The following EMILIN3 variants were observed in gnomAD, a reference collection of about 807,000 sequenced individuals.
EMILIN3 encodes the protein EMILIN-3.
Under a neutral mutation model 42.8 loss-of-function variants are expected in EMILIN3, and 38 were observed. The observed-to-expected ratio is 0.89, with a 90% CI of 0.69 to 1.16. The LOEUF is 1.16. Among genes scored for constraint, EMILIN3 ranks in the 50% most tolerant of loss-of-function variants. The pLI is 0.00. For missense variants in EMILIN3, 924 were observed against 999.5 expected (o/e 0.92, Z 1.02); for synonymous variants, 430 against 440.5 (o/e 0.98, Z 0.30).
intron 3 of EMILIN3, among the ~76,000 whole-genome samples, chr20:41,363,284 G>T (rs1204043533): frequency 6.6e-6 from 1 of 152,090 alleles, no homozygotes; most frequent in Admixed American, 6.5e-5. Flanking sequence ...GGGACTACAG[G>T]CACCCACCAC....
Position 41,361,552 on chromosome 20 carries a change from T to A in EMILIN3, c.2017A>T (p.Ser673Cys). 6.2e-7 allele frequency: 1 copy of A among 1,611,340 alleles called. No individual in the cohort carries two copies. Among genetic ancestry groups the A allele is most frequent in the Non-Finnish European group, 8.5e-7 (1 of 1,179,698 alleles). The change falls in exon 4 of 4, where the codon AGC (serine) becomes TGC (cysteine). Residue 673 changes from serine to cysteine, a missense_variant. Transcript: ENST00000332312. ...TTCTGGGCTGTGTCCTGGCAGCGGC[T>A]CAGCCCACTGGCCACCTTGGCCACA... The part of the protein sequence containing the change: ...AGVAKVASGL[S>C]RCQDTAQKLQ...
rs916970085 is a variant in EMILIN3, at chr20:41,366,789, G to A, written c.-155C>T. On this transcript the variant is annotated 5_prime_UTR_variant, in exon 1 of 4. Coordinates refer to ENST00000332312, the MANE Select transcript of EMILIN3 (RefSeq NM_052846.2). The surrounding 1 kb of genome is among the most constrained non-coding windows in gnomAD (Gnocchi z 4.2). ...CCGAGCTCGCTGGCCCGGCCGCCTG[G>A]CGCTTCGCGGCGGCTGCGTCCCGCG... The A allele has an allele frequency of 3.6e-4, 127 of 348,392 alleles. No individual in the cohort carries two copies. The highest frequency in any genetic ancestry group is 5.0e-4 in the Non-Finnish European group (123 of 248,068). 21.6% of individuals were successfully genotyped at this position (348,392 alleles called of 1,614,324 possible).
chr20:41,365,303 G>A (rs1317953031), intron 1 of EMILIN3, 146 bp from the exon 2 acceptor site: 5 of 1,241,244 alleles, frequency 4.0e-6, no homozygotes, highest in East Asian at 5.3e-5. Context: ...GGGAGCCAAC[G>A]CCCTTGGTCT....
Position 41,362,478 on chromosome 20 carries a change from T to C in EMILIN3, c.1091A>G (p.Gln364Arg), listed in dbSNP as rs370261387. The C allele has an allele frequency of 1.1e-5, 17 of 1,599,478 alleles. No individual in the cohort carries two copies. Among genetic ancestry groups the C allele is most frequent in the Non-Finnish European group, 1.4e-5 (17 of 1,179,458 alleles). ...SLDGRELALRQELSQLGSQLQ... is the reference protein window; with the variant it reads ...SLDGRELALRRELSQLGSQLQ... ...CTGGCTGCCCAGCTGTGACAGCTCC[T>C]GGCGCAGGGCCAGCTCCCGGCCATC... The change falls in exon 4 of 4, where the codon CAG (glutamine) becomes CGG (arginine). Residue 364 changes from glutamine to arginine, a missense_variant. Gln to Arg is a conservative substitution (Grantham distance 43, BLOSUM62 1). Coordinates refer to ENST00000332312, the MANE Select transcript of EMILIN3 (RefSeq NM_052846.2).
chr20:41,361,338 C>T lies in EMILIN3; in HGVS notation c.2231G>A (p.Arg744His), dbSNP rs200439419. The T allele has an allele frequency of 1.6e-5, 25 of 1,610,934 alleles. No individual in the cohort carries two copies. In the East Asian group the frequency reaches 3.3e-4, roughly 22 times the overall value. The change falls in exon 4 of 4, where the codon CGC becomes CAC. Residue 744 changes from arginine (R) to histidine (H), a missense_variant. Physicochemically the swap from Arg to His is conservative, Grantham distance 29. Coordinates refer to ENST00000332312, the MANE Select transcript of EMILIN3 (RefSeq NM_052846.2). Reference sequence around the variant, plus strand: ...GCAGTCCAGTAGGTCATCCCGGAGGCGGGCAATGTCCTGCGTGTGCTGGGC... The same window carrying T: ...GCAGTCCAGTAGGTCATCCCGGAGGTGGGCAATGTCCTGCGTGTGCTGGGC... ...TLAQHTQDIA[R>H]LRDDLLDCQA...
rs754950009 is a variant in EMILIN3, at chr20:41,361,645, A to G, written c.1924T>C (p.Ser642Pro). The G allele has an allele frequency of 3.7e-6, 6 of 1,606,994 alleles. No individual in the cohort carries two copies. In the South Asian group the frequency reaches 6.6e-5, roughly 18 times the overall value. Residue 642 changes from serine to proline, a missense_variant, in exon 4 of 4, where the codon TCC (serine) becomes CCC (proline). Physicochemically the swap from Ser to Pro is moderately conservative, Grantham distance 74 (BLOSUM62 -1). Coordinates refer to ENST00000332312, the MANE Select transcript of EMILIN3 (RefSeq NM_052846.2). Reference protein sequence around the residue: ...AIQEQVSSQGSRLQAGHRQVL... With the variant: ...AIQEQVSSQGPRLQAGHRQVL... The stretch of plus-strand genomic sequence containing the variant: ...TGCCTGTGGCCAGCCTGAAGCCTGG[A>G]GCCTTGGCTGCTGACCTGCTCCTGG...
At chr20:41,364,861 C>G (rs1373426836) in intron 2 of EMILIN3, among the ~76,000 whole-genome samples, 174 bp downstream of exon 2, 1 of 152,216 alleles carries the variant, frequency 6.6e-6, no homozygotes, top group Non-Finnish European at 1.5e-5. Context: ...CCCTGGGGTC[C>G]TCCTTGGCAC....
rs1360912039 is a variant in EMILIN3 at position 41,363,739 on chromosome 20, GCCCC to G, written c.409_412del (p.Gly137LeufsTer76). On this transcript the variant is annotated frameshift_variant, in exon 3 of 4. Transcript: ENST00000332312. LOFTEE classifies it high-confidence loss of function. ...CTCAGGCTCCAGCTGGGGTGAGGCAGCCCCATGGTCCGTGAGGTGCTCAGGGCAG... is the reference window on the plus strand; with the variant it reads ...CTCAGGCTCCAGCTGGGGTGAGGCAGATGGTCCGTGAGGTGCTCAGGGCAG... The G allele has an allele frequency of 6.2e-7, 1 of 1,614,114 alleles. No individual in the cohort carries two copies.
chr20:41,361,726 C>A lies in EMILIN3; in HGVS notation c.1843G>T (p.Ala615Ser). 1 of 1,612,868 alleles carries A rather than the reference C, an allele frequency of 6.2e-7. No individual in the cohort carries two copies. Among genetic ancestry groups the A allele is most frequent in the Non-Finnish European group, 8.5e-7 (1 of 1,179,444 alleles). The change falls in exon 4 of 4, where the codon GCC becomes TCC. Residue 615 changes from alanine to serine, a missense_variant. Transcript: ENST00000332312. ...VSQYSDAFLA[A>S]NTSLDERERK... ...TCCCGCTCATCCAGGGACGTGTTGG[C>A]AGCCAAGAAGGCATCAGAGTACTGG...
At position 41,362,998 on chromosome 20, in the gene EMILIN3, G is replaced by A. The variant is rs1265575820; in HGVS notation, c.571C>T (p.Gln191Ter). ...ERLERLEGDV[Q>*]RLAQTYGTLS... ...GTACCATATGTTTGAGCCAGGCGCTGGACATCACCCTCCAGGCGTTCCAGC... is the reference window on the plus strand; with the variant it reads ...GTACCATATGTTTGAGCCAGGCGCTAGACATCACCCTCCAGGCGTTCCAGC... Residue 191 changes from glutamine (Q) to a stop codon, truncating the protein, a stop_gained, in exon 4 of 4, where the codon CAG (glutamine) becomes TAG (stop). Coordinates refer to ENST00000332312, the MANE Select transcript of EMILIN3 (RefSeq NM_052846.2). LOFTEE classifies it low-confidence loss of function (END_TRUNC). 2 of 1,609,460 alleles carry A rather than the reference G, an allele frequency of 1.2e-6. No individual in the cohort carries two copies. The highest frequency in any genetic ancestry group is 2.2e-5 in the East Asian group (1 of 44,714).
intron 3 of EMILIN3, 100 bp from the exon 4 acceptor site, chr20:41,363,154 T>G (rs1463058395): frequency 8.4e-7 from 1 of 1,189,054 alleles, no homozygotes; most frequent in Non-Finnish European, 1.1e-6. Context: ...TTTTTTTTTT[T>G]TTTTGAGACA....
At chr20:41,365,571 T>A (rs1451781560) in intron 1 of EMILIN3, among the ~76,000 whole-genome samples, 1 of 152,202 alleles carries the variant, frequency 6.6e-6, no homozygotes, top group Admixed American at 6.5e-5. Context: ...CCTTCCTCCC[T>A]GCCTGGCTCC....
rs2046395726 is a variant in EMILIN3 at position 41,366,599 on chromosome 20, G to C, written c.36C>G (p.Ala12=). The C allele has an allele frequency of 9.1e-7, 1 of 1,095,454 alleles. No individual in the cohort carries two copies. The highest frequency in any genetic ancestry group is 5.4e-5 in the East Asian group (1 of 18,616). The allele number at this position is 1,095,454 out of a possible 1,614,324, so 67.9% of individuals were successfully genotyped here. A position where few individuals can be genotyped will look rare whatever the true frequency, so the allele number is the denominator to read the frequency against. Residue 12 remains alanine, a synonymous_variant, in exon 1 of 4, where the codon GCC becomes GCG. Transcript: ENST00000332312. The surrounding 1 kb of genome is among the most constrained non-coding windows in gnomAD (Gnocchi z 4.2). ...GCGCCCCCGAGAGCAGCGCCGCGAC[G>C]GCGCACAGCCAGACGAGCAGGCGGC... The part of the protein sequence containing the change: ...GRRRLLVWLC[A]VAALLSGAQA...
chr20:41,363,720 C>T lies in EMILIN3; in HGVS notation c.432G>A (p.Glu144=). Reference sequence around the variant, plus strand: ...GCCCTGAAGGAATCTGAGGCTCAGGCTCCAGCTGGGGTGAGGCAGCCCCAT... The same window carrying T: ...GCCCTGAAGGAATCTGAGGCTCAGGTTCCAGCTGGGGTGAGGCAGCCCCAT... The part of the protein sequence containing the change: ...TDHGAASPQL[E]PEPQIPSGQL... Residue 144 remains glutamate (E), a synonymous_variant, in exon 3 of 4, where the codon GAG becomes GAA. Transcript: ENST00000332312. The T allele has an allele frequency of 6.2e-7, 1 of 1,614,086 alleles. No homozygotes were observed. The highest frequency in any genetic ancestry group is 8.5e-7 in the Non-Finnish European group (1 of 1,180,014).
At position 41,363,019 on chromosome 20, in the gene EMILIN3, C is replaced by A; in HGVS notation, c.550G>T (p.Glu184Ter). Residue 184 changes from glutamate (E) to a stop codon, truncating the protein, a stop_gained, in exon 4 of 4, where the codon GAA becomes TAA. Coordinates refer to ENST00000332312, the MANE Select transcript of EMILIN3 (RefSeq NM_052846.2). LOFTEE classifies it low-confidence loss of function (END_TRUNC). ...CGCTGGACATCACCCTCCAGGCGTT[C>A]CAGCCGCTCACCAAACAGCCCTGGG... ...KGPGLFGERLERLEGDVQRLA... is the reference protein window; with the variant it reads ...KGPGLFGERL 6.2e-7 allele frequency: 1 copy of A among 1,600,954 alleles called. No homozygotes were observed. Among genetic ancestry groups the A allele is most frequent in the Non-Finnish European group, 8.5e-7 (1 of 1,170,516 alleles).
intron 1 of EMILIN3, 30 bp from the exon 2 acceptor site, chr20:41,365,187 TCTGG>T: frequency 6.2e-7 from 1 of 1,611,536 alleles, no homozygotes; most frequent in Non-Finnish European, 8.5e-7. Flanking sequence ...CCCTGGAATA[TCTGG>T]CTGAGCGAGG....
In EMILIN3 at chr20:41,361,215, G is replaced by A. The variant is rs2046355392; in HGVS notation, c.*53C>T. 1.3e-6 allele frequency: 2 copies of A among 1,497,868 alleles called. No homozygotes were observed. Among genetic ancestry groups the A allele is most frequent in the African/African-American group, 1.4e-5 (1 of 72,350 alleles). The allele number at this position is 1,497,868 out of a possible 1,614,324, so 92.8% of individuals were successfully genotyped here. The stretch of plus-strand genomic sequence containing the variant: ...GCTGCTGGATAAGGCTGGGCTCTGG[G>A]GTGATGTTCCCCGAGTTGGTGGGAT... On this transcript the variant is annotated 3_prime_UTR_variant, in exon 4 of 4. Coordinates refer to ENST00000332312, the MANE Select transcript of EMILIN3 (RefSeq NM_052846.2).
chr20:41,365,287 G>T, intron 1 of EMILIN3, 130 bp from the exon 2 acceptor site: 1 of 1,338,352 alleles, frequency 7.5e-7, no homozygotes, highest in Non-Finnish European at 9.9e-7. Context: ...TGTTCTCTGT[G>T]TCCCTGGGAG....
rs781670992 is a variant in EMILIN3 at position 41,362,747 on chromosome 20, C to T, written c.822G>A (p.Gly274=). ...TKVQLLDKVH[G]LALGHEAHLQ... ...GGTGGGCCTCATGGCCAAGTGCCAG[C>T]CCATGCACCTTGTCTAGAAGCTGCA... Residue 274 remains glycine, a synonymous_variant, in exon 4 of 4, where the codon GGG becomes GGA. Transcript: ENST00000332312. 1.2e-6 allele frequency: 2 copies of T among 1,614,204 alleles called. No individual in the cohort carries two copies. Among genetic ancestry groups the T allele is most frequent in the Non-Finnish European group, 8.5e-7 (1 of 1,180,048 alleles).
Sources: allele counts gnomAD v4.1 joint callset (sites outside exome capture counted in the v4.1 genomes callset), GRCh38; gene constraint gnomAD v4.1.1; non-coding constraint Gnocchi (gnomAD v3.1); transcripts MANE v1.5; gene names NCBI Gene and HGNC (gene_info 2026-07-23, HGNC 2026-07-21).